SNRPN: variants seen among roughly 807,000 people sequenced by gnomAD.
The protein encoded by SNRPN is small nuclear ribonucleoprotein-associated protein N.
Under a neutral mutation model 25.2 loss-of-function variants are expected in SNRPN, and 7 were observed. That is an observed-to-expected ratio of 0.28 (90% CI 0.16 to 0.52). The LOEUF is 0.52. Among genes scored for constraint, SNRPN ranks in the 20% least tolerant of loss-of-function variants. The probability of loss-of-function intolerance (pLI) is 0.96; values close to 1 mark genes in which losing one functional copy is unlikely to be tolerated. For synonymous variants in SNRPN, 124 were observed against 110.6 expected (o/e 1.12, Z -0.76); for missense variants, 196 against 322.5 (o/e 0.61, Z 3.00).
intron 2 of SNRPN, among the ~76,000 whole-genome samples, chr15:24,844,885 C>T (rs1306670783): frequency 1.3e-5 from 2 of 152,144 alleles, no homozygotes; most frequent in Admixed American, 6.5e-5. Context: ...TATTGCTTAA[C>T]ACAAGGTCAT....
At chr15:24,963,471 C>T (rs569124378) in intron 2 of SNRPN, among the ~76,000 whole-genome samples, 92 of 151,780 alleles carry the variant, frequency 6.1e-4, no homozygotes, top group African/African-American at 1.7e-3. Context: ...AAAAATTAAC[C>T]GAGTGTGGTG....
intron 2 of SNRPN, among the ~76,000 whole-genome samples, chr15:24,914,477 T>G (rs962250782): frequency 2.6e-5 from 4 of 152,064 alleles, no homozygotes; most frequent in Non-Finnish European, 5.9e-5. Context: ...AGGGGATCGA[T>G]CACTTGAGCC....
intron 3 of SNRPN, among the ~76,000 whole-genome samples, chr15:24,934,979 T>C (rs1673570581): frequency 6.6e-6 from 1 of 152,122 alleles, no homozygotes; most frequent in Admixed American, 6.6e-5. Context: ...CTAGTAGAAG[T>C]TAAATTTTTG....
intron 2 of SNRPN, among the ~76,000 whole-genome samples, chr15:24,917,504 C>A (rs1251470066): frequency 6.6e-6 from 1 of 152,210 alleles, no homozygotes; most frequent in Non-Finnish European, 1.5e-5. Flanking sequence ...ATGTTCCATG[C>A]CTGCCACCTG....
intron 4 of SNRPN, chr15:24,975,033 C>A (rs1201837683): frequency 1.3e-5 from 9 of 699,546 alleles, no homozygotes; most frequent in African/African-American, 3.5e-5. Flanking sequence ...GAAAAGCAGT[C>A]TGGAGAGAGA....
intron 2 of SNRPN, among the ~76,000 whole-genome samples, chr15:24,905,035 C>G (rs2058707794): frequency 1.3e-5 from 2 of 149,608 alleles, no homozygotes; most frequent in South Asian, 4.2e-4. Flanking sequence ...ATCGCTTGAA[C>G]CCAGAATTCA....
At chr15:24,959,154 G>C (rs1212370227) in intron 1 of SNRPN, among the ~76,000 whole-genome samples, 1 of 152,090 alleles carries the variant, frequency 6.6e-6, no homozygotes, top group East Asian at 1.9e-4. Context: ...TGATCTGAGG[G>C]CAAACATTTA....
upstream of SNRPN, among the ~76,000 whole-genome samples, chr15:24,855,212 A>G (rs962722962): frequency 6.6e-6 from 1 of 152,226 alleles, no homozygotes; most frequent in African/African-American, 2.4e-5. Context: ...TTTATTTTGC[A>G]ATTACTATTT....
intron 1 of SNRPN, among the ~76,000 whole-genome samples, chr15:24,884,752 C>T (rs1265878602): frequency 6.6e-6 from 1 of 152,124 alleles, no homozygotes; most frequent in Non-Finnish European, 1.5e-5. Context: ...TTGGAATAAT[C>T]ATGCCTAGAC....
In SNRPN at chr15:24,889,683, C is replaced by T. The variant is rs963883374; in HGVS notation, c.-505+3094C>T. Reference sequence around the variant, plus strand: ...TGCAAAGACCGACTCCTCTGGGCTTCATTTCCTCCATACTGAATGTGCATC... The same window carrying T: ...TGCAAAGACCGACTCCTCTGGGCTTTATTTCCTCCATACTGAATGTGCATC... On this transcript the variant is annotated intron_variant, in intron 2 of 11. Transcript: ENST00000400097. Among the ~76,000 whole-genome samples the T allele has an allele frequency of 1.7e-4, 26 of 152,220 alleles. 1 individual carries two copies. The highest frequency in any genetic ancestry group is 1.3e-3 in the Admixed American group (20 of 15,276).
chr15:24,873,578 G>T (rs2055452626), intron 1 of SNRPN, among the ~76,000 whole-genome samples: 1 of 151,420 alleles, frequency 6.6e-6, no homozygotes, highest in South Asian at 2.1e-4. Flanking sequence ...CTCCCAAGCA[G>T]CTGGGACCAC....
At chr15:24,878,634 G>C (rs1217278066) in intron 1 of SNRPN, among the ~76,000 whole-genome samples, 1 of 152,180 alleles carries the variant, frequency 6.6e-6, no homozygotes, top group Non-Finnish European at 1.5e-5. Context: ...CCTTGAGTTT[G>C]CTTGTTGTTT....
chr15:24,915,377 C>T (rs1012750045), intron 2 of SNRPN, among the ~76,000 whole-genome samples: 5 of 152,122 alleles, frequency 3.3e-5, no homozygotes, highest in South Asian at 2.1e-4. Flanking sequence ...CTGCCCGCTT[C>T]GGCCACCCAA....
At chr15:24,879,895 T>C (rs919653109) in intron 1 of SNRPN, among the ~76,000 whole-genome samples, 1 of 152,158 alleles carries the variant, frequency 6.6e-6, no homozygotes, top group African/African-American at 2.4e-5. Flanking sequence ...GGCAATTCAG[T>C]CTTTGGTATG....
chr15:24,956,250 G>A (rs1197953376), intron 1 of SNRPN, among the ~76,000 whole-genome samples: 3 of 151,936 alleles, frequency 2.0e-5, no homozygotes, highest in Non-Finnish European at 4.4e-5. Context: ...GTCTTGGAAG[G>A]CTATGTCGAA....
upstream of SNRPN, among the ~76,000 whole-genome samples, chr15:24,951,533 A>G (rs537795925): frequency 6.0e-5 from 9 of 149,102 alleles, no homozygotes; most frequent in South Asian, 1.9e-3. Context: ...TTTTTGAGAC[A>G]GTCTCACTCT....
At chr15:24,958,486 G>GTT (rs71127030) in intron 1 of SNRPN, among the ~76,000 whole-genome samples, 5,710 of 65,176 alleles carry the variant, frequency 0.088, 882 homozygotes, top group South Asian at 0.16. Flanking sequence ...CTGGCTCAAA[G>GTT]TTTTTTTTTT....
chr15:24,899,040 T>C (rs1218537797), intron 2 of SNRPN, among the ~76,000 whole-genome samples: 1 of 152,166 alleles, frequency 6.6e-6, no homozygotes, highest in East Asian at 1.9e-4. Flanking sequence ...ATGGGAGTGC[T>C]AGAAGCAAGG....
Position 24,871,851 on chromosome 15 carries a change from C to T in SNRPN, c.-578-14665C>T, listed in dbSNP as rs1263023025. Among the ~76,000 whole-genome samples, 6 of 121,086 alleles carry T rather than the reference C, an allele frequency of 5.0e-5. 1 individual carries two copies. Among genetic ancestry groups the T allele is most frequent in the African/African-American group, 1.7e-4 (6 of 35,540 alleles). The allele number at this position is 121,086 out of a possible 152,430, so 79.4% of individuals were successfully genotyped here. On this transcript the variant is annotated intron_variant, in intron 1 of 11. Coordinates refer to the SNRPN transcript ENST00000400097. ...TCCCAAGCAGCTGGGACTACAGGCGCCCACCACCACGCCTGGCTAATTTTT... is the reference window on the plus strand; with the variant it reads ...TCCCAAGCAGCTGGGACTACAGGCGTCCACCACCACGCCTGGCTAATTTTT...
Sources: allele counts gnomAD v4.1 joint callset (sites outside exome capture counted in the v4.1 genomes callset), GRCh38; gene constraint gnomAD v4.1.1; transcripts MANE v1.5; gene names NCBI Gene and HGNC (gene_info 2026-07-23, HGNC 2026-07-21).